The following JMJD1C variants were observed in gnomAD, a reference collection of about 807,000 sequenced individuals.
JMJD1C encodes jumonji domain containing 1C.
In JMJD1C, 31 loss-of-function variants were observed where a neutral mutation model predicts 245.3. The ratio of observed to expected loss-of-function variants is 0.13; its 90% CI spans 0.09 to 0.17. The LOEUF is 0.17. Among genes scored for constraint, JMJD1C ranks in the 10% least tolerant of loss-of-function variants. The pLI is 1.00. For missense variants in JMJD1C, 2,691 were observed against 3,000.2 expected (o/e 0.90, Z 2.41); for synonymous variants, 1,057 against 1,017.4 (o/e 1.04, Z -0.74).
chr10:63,285,868 A>G (rs1228530039), intron 2 of JMJD1C, among the ~76,000 whole-genome samples: 2 of 152,224 alleles, frequency 1.3e-5, no homozygotes, highest in Admixed American at 6.5e-5. Flanking sequence ...AGCCAATGCC[A>G]TAGTTATTGG....
At chr10:63,458,071 T>C (rs1952528532) in intron 1 of JMJD1C, among the ~76,000 whole-genome samples, 1 of 152,258 alleles carries the variant, frequency 6.6e-6, no homozygotes, top group Non-Finnish European at 1.5e-5. Flanking sequence ...AAAGGGATTT[T>C]ATCCAATTCG....
chr10:63,203,086 T>G, intron 10 of JMJD1C: 1 of 985,126 alleles, frequency 1.0e-6, no homozygotes, highest in Non-Finnish European at 1.2e-6. Flanking sequence ...GAGCTTTTTT[T>G]CAATAAAAGA....
intron 2 of JMJD1C, among the ~76,000 whole-genome samples, chr10:63,330,353 G>C (rs7478135): frequency 0.015 from 2,253 of 152,214 alleles, 49 homozygotes; most frequent in African/African-American, 0.052. Context: ...CTTAGTAAGA[G>C]AACACATGTA....
chr10:63,235,404 G>A (rs1441900345), intron 3 of JMJD1C, among the ~76,000 whole-genome samples: 1 of 152,124 alleles, frequency 6.6e-6, no homozygotes, highest in African/African-American at 2.4e-5. Flanking sequence ...GGATGAGGCA[G>A]GAGAACTGCT....
intron 1 of JMJD1C, among the ~76,000 whole-genome samples, chr10:63,419,353 C>A (rs1054681058): frequency 2.6e-5 from 4 of 151,956 alleles, no homozygotes; most frequent in African/African-American, 9.7e-5. Flanking sequence ...CACCATTGCA[C>A]TCCAGCCTGG....
At chr10:63,277,396 G>C (rs923491250) in intron 2 of JMJD1C, among the ~76,000 whole-genome samples, 1 of 152,016 alleles carries the variant, frequency 6.6e-6, no homozygotes, top group Non-Finnish European at 1.5e-5. Context: ...TTGTTATGCA[G>C]ACTAAAGTCT....
chr10:63,271,479 T>C (rs1856291567), intron 2 of JMJD1C, among the ~76,000 whole-genome samples: 1 of 152,092 alleles, frequency 6.6e-6, no homozygotes, highest in Non-Finnish European at 1.5e-5. Context: ...TGCCCGGATG[T>C]AAATAGTCTT....
intron 3 of JMJD1C, among the ~76,000 whole-genome samples, chr10:63,263,391 C>T (rs1237960843): frequency 6.6e-6 from 1 of 152,136 alleles, no homozygotes; most frequent in East Asian, 1.9e-4. Flanking sequence ...ATTACAAATC[C>T]ATGCACAACA....
chr10:63,399,000 G>A (rs1948687119), intron 1 of JMJD1C, among the ~76,000 whole-genome samples: 1 of 130,152 alleles, frequency 7.7e-6, no homozygotes, highest in Non-Finnish European at 1.8e-5. Flanking sequence ...GCTTCTTGGA[G>A]GTTGTTTCTA....
At chr10:63,406,022 G>C (rs966032907) in intron 1 of JMJD1C, among the ~76,000 whole-genome samples, 2 of 152,054 alleles carry the variant, frequency 1.3e-5, no homozygotes, top group East Asian at 1.9e-4. Context: ...AACCAAACAA[G>C]CCCATTGCCT....
chr10:63,305,627 GGC>G (rs1224078820), intron 2 of JMJD1C, among the ~76,000 whole-genome samples: 2 of 58,610 alleles, frequency 3.4e-5, no homozygotes, highest in African/African-American at 5.0e-5. Flanking sequence ...CCACCATGCT[GGC>G]GTGTGTGTGT....
chr10:63,201,798 C>T (rs1013581804), intron 10 of JMJD1C, among the ~76,000 whole-genome samples: 18 of 151,822 alleles, frequency 1.2e-4, no homozygotes, highest in Admixed American at 9.9e-4. Flanking sequence ...GGCATGGTGG[C>T]GCATACCTGT....
intron 1 of JMJD1C, among the ~76,000 whole-genome samples, chr10:63,402,087 T>C (rs1006725972): frequency 1.3e-5 from 2 of 149,672 alleles, no homozygotes; most frequent in African/African-American, 4.9e-5. Context: ...TGAGCCCAGA[T>C]AGCGCCATTG....
At chr10:63,321,927 A>T (rs1220710493) in intron 2 of JMJD1C, among the ~76,000 whole-genome samples, 1 of 152,166 alleles carries the variant, frequency 6.6e-6, no homozygotes, top group Non-Finnish European at 1.5e-5. Flanking sequence ...ATTTCTCACC[A>T]TTTGCTCAGA....
rs529980267 is a variant in JMJD1C at position 63,420,044 on chromosome 10, G to A, written c.169-39562C>T. Among the ~76,000 whole-genome samples the A allele has an allele frequency of 3.2e-4, 48 of 151,676 alleles. No individual in the cohort carries two copies. In the South Asian group the frequency reaches 0.01, roughly 32 times the overall value. ...CCAGCTACTCAAGAGGCTGAGGCAG[G>A]AGAATTGCTTGAACCCGGGAGGCAG... is the stretch of plus-strand genomic sequence containing the variant. On this transcript the variant is annotated intron_variant, in intron 1 of 25. Transcript: ENST00000399262.
chr10:63,392,875 C>CAA (rs1948180228), intron 1 of JMJD1C, among the ~76,000 whole-genome samples: 1 of 130,682 alleles, frequency 7.7e-6, no homozygotes, highest in East Asian at 3.2e-4. Context: ...TAAACACACA[C>CAA]ACACACACAC....
At chr10:63,359,122 T>G (rs1455948010) in intron 2 of JMJD1C, 1 of 153,022 alleles carries the variant, frequency 6.5e-6, no homozygotes, top group Non-Finnish European at 1.5e-5. Flanking sequence ...TTGGAGTTGT[T>G]TCATAATCCT....
At chr10:63,322,817 A>AG in intron 2 of JMJD1C, among the ~76,000 whole-genome samples, 1 of 151,040 alleles carries the variant, frequency 6.6e-6, no homozygotes, top group Admixed American at 6.6e-5. Context: ...AAAAAAAAAA[A>AG]AAAAAACTTT....
At chr10:63,224,354 ATGACATTTGAGTGCTGAATGATG>A (rs1262771094) in intron 3 of JMJD1C, among the ~76,000 whole-genome samples, 11 of 152,190 alleles carry the variant, frequency 7.2e-5, no homozygotes, top group African/African-American at 2.7e-4. Flanking sequence ...ATTCTGATTT[ATGACATTTGAGTGCTGAATGATG>A]TGAACTACCT....
Sources: gnomAD v4.1 joint callset for allele counts (sites outside exome capture counted in the v4.1 genomes callset) on GRCh38, gnomAD v4.1.1 for gene constraint, MANE v1.5 for transcripts, NCBI Gene and HGNC (gene_info 2026-07-23, HGNC 2026-07-21) for gene names.